The following PRPF19 variants were observed in gnomAD, a reference collection of about 807,000 sequenced individuals.
PRPF19 encodes pre-mRNA processing factor 19, also known as pre-mRNA-processing factor 19.
Under a neutral mutation model 64.2 loss-of-function variants are expected in PRPF19, and 2 were observed. The ratio of observed to expected loss-of-function variants is 0.03; its 90% CI spans 0.01 to 0.10. The LOEUF is 0.10. Ranked by LOEUF, PRPF19 falls within the 10% of genes least tolerant of loss-of-function variation. The pLI, the probability that PRPF19 is intolerant of heterozygous loss-of-function variation, is 1.00. For synonymous variants in PRPF19, 226 were observed against 251.6 expected, an observed-to-expected ratio of 0.90 and a Z score of 0.96; for missense variants, 314 against 650.0, an observed-to-expected ratio of 0.48 and a Z score of 5.62.
intron 15 of PRPF19, among the ~76,000 whole-genome samples, chr11:60,891,562 C>A (rs1029358554): frequency 6.6e-6 from 1 of 152,210 alleles, no homozygotes; most frequent in Non-Finnish European, 1.5e-5. Context: ...CAGAGCTCAG[C>A]TTGTTTATGC....
At chr11:60,904,527 G>T (rs1013821433) in intron 1 of PRPF19, among the ~76,000 whole-genome samples, 1 of 152,124 alleles carries the variant, frequency 6.6e-6, no homozygotes, top group East Asian at 1.9e-4. Context: ...CTGTTCTTCT[G>T]ATCTACCAGC....
Position 60,903,550 on chromosome 11 carries a change from A to G in PRPF19, c.170-15T>C, listed in dbSNP as rs535058105. On this transcript the variant is annotated splice_polypyrimidine_tract_variant and intron_variant, in intron 2 of 15. Transcript: ENST00000227524. Reference sequence around the variant, plus strand: ...TGGGTGAGCAACTGCCGAAAGGGAAAGCAGGTATGAAGAACATAACCCAGG... The same window carrying G: ...TGGGTGAGCAACTGCCGAAAGGGAAGGCAGGTATGAAGAACATAACCCAGG... The G allele has an allele frequency of 1.2e-6, 2 of 1,613,774 alleles. No individual in the cohort carries two copies. Among genetic ancestry groups the G allele is most frequent in the Non-Finnish European group, 8.5e-7 (1 of 1,179,798 alleles).
rs1856000383 is a variant in PRPF19 at position 60,902,974 on chromosome 11, C to T, written c.247-93G>A. 1 of 1,527,012 alleles carries T rather than the reference C, an allele frequency of 6.5e-7. No homozygotes were observed. The highest frequency in any genetic ancestry group is 2.3e-5 in the East Asian group (1 of 42,738). The allele number at this position is 1,527,012 out of a possible 1,614,324, so 94.6% of individuals were successfully genotyped here. On this transcript the variant is annotated intron_variant, in intron 3 of 15. Coordinates refer to ENST00000227524, the MANE Select transcript of PRPF19 (RefSeq NM_014502.5). This position sits in a 1 kb window ranked among gnomAD's most constrained non-coding sequence, Gnocchi z 5.0. ...TTGGGGAGGGGATGCTGCCTCCTAT[C>T]CCAGAGCCTAGACCAGTATCAGTGA...
intron 15 of PRPF19, among the ~76,000 whole-genome samples, chr11:60,895,224 T>C (rs1855906798): frequency 6.6e-6 from 1 of 152,238 alleles, no homozygotes; most frequent in Non-Finnish European, 1.5e-5. Context: ...CCGTCTACAT[T>C]GAAAATCTGT....
chr11:60,901,357 C>T lies in PRPF19; in HGVS notation c.580G>A (p.Val194Met). The change falls in exon 8 of 16, where the codon GTG (valine) becomes ATG (methionine). Residue 194 changes from valine (V) to methionine (M), a missense_variant. This residue lies in a region of PRPF19 where 175 missense variants were observed against 342.9 expected (regional missense o/e 0.51). Coordinates refer to ENST00000227524, the MANE Select transcript of PRPF19 (RefSeq NM_014502.5). ...TTERKKRGKT[V>M]PEELVKPEEL... is the part of the protein sequence containing the mutation. ...TCTGGCTTCACCAGCTCCTCAGGCACAGTCTTCCCTCTCTGAGAAAATGAA... is the reference window on the plus strand; with the variant it reads ...TCTGGCTTCACCAGCTCCTCAGGCATAGTCTTCCCTCTCTGAGAAAATGAA... 1 of 1,614,242 alleles carries T rather than the reference C, an allele frequency of 6.2e-7. No individual in the cohort carries two copies. Among genetic ancestry groups the T allele is most frequent in the East Asian group, 2.2e-5 (1 of 44,894 alleles).
rs528215636 is a variant in PRPF19 at position 60,899,287 on chromosome 11, A to C, written c.846T>G (p.Ala282=). The change falls in exon 11 of 16, where the codon GCT becomes GCG. Residue 282 remains alanine, a synonymous_variant. Coordinates refer to ENST00000227524, the MANE Select transcript of PRPF19 (RefSeq NM_014502.5). ...FHPSQDLVFS[A]SPDATIRIWS... The stretch of plus-strand genomic sequence containing the variant: ...AAATCCTGATAGTGGCATCGGGGGA[A>C]GCAGAAAACACCAGGTCCTACAAGG... 2.5e-6 allele frequency: 4 copies of C among 1,612,364 alleles called. No individual in the cohort carries two copies. Among genetic ancestry groups the C allele is most frequent in the East Asian group, 2.2e-5 (1 of 44,872 alleles).
At chr11:60,893,673 G>A (rs1855887945) in intron 15 of PRPF19, among the ~76,000 whole-genome samples, 1 of 151,570 alleles carries the variant, frequency 6.6e-6, no homozygotes, top group Non-Finnish European at 1.5e-5. Context: ...AAGTTATGTT[G>A]GCCAGGCATG....
chr11:60,898,592 G>A lies in PRPF19; in HGVS notation c.1089C>T (p.Leu363=), dbSNP rs542449666. ...AGTCCATGGTTCCTGTTCCAAAGAT[G>A]AGTCCGTCAGGGTGGAACTGTGCAC... The part of the protein sequence containing the change: ...LTCAQFHPDG[L]IFGTGTMDSQ... Residue 363 remains leucine, a synonymous_variant, in exon 13 of 16, where the codon CTC becomes CTT. Coordinates refer to ENST00000227524, the MANE Select transcript of PRPF19 (RefSeq NM_014502.5). This position sits in a 1 kb window ranked among gnomAD's most constrained non-coding sequence, Gnocchi z 4.6. 1.9e-6 allele frequency: 3 copies of A among 1,614,138 alleles called. No homozygotes were observed. In the East Asian group the frequency reaches 6.7e-5, roughly 36 times the overall value.
intron 10 of PRPF19, among the ~76,000 whole-genome samples, chr11:60,900,170 A>G (rs1408764973): frequency 6.6e-6 from 1 of 152,296 alleles, no homozygotes; most frequent in Admixed American, 6.5e-5. Flanking sequence ...TACAACCTAC[A>G]CCACTTTCAA....
chr11:60,902,660 A>T lies in PRPF19; in HGVS notation c.389-4T>A. 6.2e-7 allele frequency: 1 copy of T among 1,614,196 alleles called. No individual in the cohort carries two copies. Among genetic ancestry groups the T allele is most frequent in the Non-Finnish European group, 8.5e-7 (1 of 1,180,020 alleles). On this transcript the variant is annotated splice_region_variant and splice_polypyrimidine_tract_variant and intron_variant, in intron 4 of 15. Coordinates refer to ENST00000227524, the MANE Select transcript of PRPF19 (RefSeq NM_014502.5). This position sits in a 1 kb window ranked among gnomAD's most constrained non-coding sequence, Gnocchi z 5.0. ...TGTGGTTTCAGGGTAGCCAGAGCTG[A>T]GAGAAAAGACGATGTTAGAAATGGG...
chr11:60,897,951 C>A lies in PRPF19; in HGVS notation c.1312G>T (p.Val438Leu), dbSNP rs1195866279. Reference protein sequence around the residue: ...KTLQLDNNFEVKSLIFDQSGT... With the variant: ...KTLQLDNNFELKSLIFDQSGT... ...CTCTGGTCAAAGATCAGTGACTTTA[C>A]CTGCCAGAAATAGAAAGAGAGAAGG... The change falls in exon 15 of 16, where the codon GTA (valine) becomes TTA (leucine). Residue 438 changes from valine to leucine, a missense_variant and splice_region_variant. Val to Leu is a conservative substitution (Grantham distance 32). Around this residue, in one of 7 missense-constraint regions of PRPF19, gnomAD observed 47 missense variants for 94.5 expected, o/e 0.50. Coordinates refer to ENST00000227524, the MANE Select transcript of PRPF19 (RefSeq NM_014502.5). 2 of 1,613,904 alleles carry A rather than the reference C, an allele frequency of 1.2e-6. No individual in the cohort carries two copies. The highest frequency in any genetic ancestry group is 2.7e-5 in the African/African-American group (2 of 74,900).
intron 15 of PRPF19, among the ~76,000 whole-genome samples, chr11:60,894,696 T>C (rs1324994412): frequency 6.6e-6 from 1 of 152,082 alleles, no homozygotes; most frequent in Non-Finnish European, 1.5e-5. Flanking sequence ...CCTTTCCAGG[T>C]TTTCAATTTA....
chr11:60,896,452 G>A (rs1204353616), intron 15 of PRPF19, among the ~76,000 whole-genome samples: 2 of 152,208 alleles, frequency 1.3e-5, no homozygotes, highest in Non-Finnish European at 2.9e-5. Flanking sequence ...ATCCCCACGT[G>A]TTGTGGGAGG....
chr11:60,902,646 G>C lies in PRPF19; in HGVS notation c.399C>G (p.Thr133=), dbSNP rs1855996331. ...CAATGAGGCCAGCCTGTGGTTTCAG[G>C]GTAGCCAGAGCTGAGAGAAAAGACG... ...EVTAAREALA[T]LKPQAGLIVP... is the part of the protein sequence containing the mutation. Residue 133 remains threonine (T), a synonymous_variant, in exon 5 of 16, where the codon ACC becomes ACG. Transcript: ENST00000227524. This position sits in a 1 kb window ranked among gnomAD's most constrained non-coding sequence, Gnocchi z 5.0. The C allele has an allele frequency of 8.1e-6, 13 of 1,614,070 alleles. No homozygotes were observed. The highest frequency in any genetic ancestry group is 1.1e-5 in the Non-Finnish European group (13 of 1,180,026).
chr11:60,894,784 C>T (rs1320598845), intron 15 of PRPF19, among the ~76,000 whole-genome samples: 1 of 152,210 alleles, frequency 6.6e-6, no homozygotes, highest in Non-Finnish European at 1.5e-5. Flanking sequence ...AGTAATAAGA[C>T]TTGAAAGTCA....
chr11:60,901,211 C>A, intron 8 of PRPF19, 84 bp downstream of exon 8: 1 of 1,449,992 alleles, frequency 6.9e-7, no homozygotes, highest in Non-Finnish European at 9.6e-7. Context: ...CAGCTCTGCA[C>A]TCAGCACTCC....
At chr11:60,892,418 C>T (rs539341650) in intron 15 of PRPF19, among the ~76,000 whole-genome samples, 103 of 152,334 alleles carry the variant, frequency 6.8e-4, no homozygotes, top group African/African-American at 2.4e-3. Flanking sequence ...ATCCTGACTA[C>T]GTGCCAGACA....
chr11:60,900,771 T>C (rs970426260), intron 9 of PRPF19, 80 bp from the exon 10 acceptor site: 11 of 1,591,310 alleles, frequency 6.9e-6, no homozygotes, highest in African/African-American at 5.4e-5. Flanking sequence ...TTTGTTCCCA[T>C]GCCCATGAAG....
In PRPF19 at chr11:60,902,237, A is replaced by C. The variant is rs1014765110; in HGVS notation, c.525+166T>G. 1.3e-5 allele frequency among the ~76,000 whole-genome samples: 2 copies of C among 152,186 alleles called. No individual in the cohort carries two copies. Among genetic ancestry groups the C allele is most frequent in the East Asian group, 3.9e-4 (2 of 5,194 alleles). ...TAAGTAAGCCAAGGTCATAAAGCTTACAAGTAGTGGCATCAAAATACAAAC... is the reference window on the plus strand; with the variant it reads ...TAAGTAAGCCAAGGTCATAAAGCTTCCAAGTAGTGGCATCAAAATACAAAC... On this transcript the variant is annotated intron_variant, in intron 6 of 15. Transcript: ENST00000227524. This position sits in a 1 kb window ranked among gnomAD's most constrained non-coding sequence, Gnocchi z 5.0.
Sources: allele counts gnomAD v4.1 joint callset (sites outside exome capture counted in the v4.1 genomes callset), GRCh38; gene constraint gnomAD v4.1.1; regional missense constraint gnomAD v4.1.1; non-coding constraint Gnocchi (gnomAD v3.1); transcripts MANE v1.5; gene names NCBI Gene and HGNC (gene_info 2026-07-23, HGNC 2026-07-21).